The following LMBRD1 variants were observed in gnomAD, a reference collection of about 807,000 sequenced individuals.
The protein encoded by LMBRD1 is lysosomal cobalamin transport escort protein LMBD1.
Under a neutral mutation model 74.8 loss-of-function variants are expected in LMBRD1, and 64 were observed. That is an observed-to-expected ratio of 0.86 (90% CI 0.70 to 1.05). The LOEUF (loss-of-function observed/expected upper bound fraction) is 1.05. LMBRD1 is among the 50% of genes least tolerant of loss of function. LMBRD1 has a pLI of 0.00. For missense variants in LMBRD1, 652 were observed against 645.9 expected (o/e 1.01, Z -0.10); for synonymous variants, 204 against 216.3 (o/e 0.94, Z 0.50).
intron 5 of LMBRD1, among the ~76,000 whole-genome samples, chr6:69,747,575 T>C (rs1049485813): frequency 1.3e-5 from 2 of 152,226 alleles, no homozygotes; most frequent in Admixed American, 6.5e-5. Context: ...GATCTCCTGA[T>C]TCTGCAATGC....
chr6:69,764,600 T>G (rs1282451814), intron 3 of LMBRD1, among the ~76,000 whole-genome samples: 1 of 152,232 alleles, frequency 6.6e-6, no homozygotes, highest in Non-Finnish European at 1.5e-5. Flanking sequence ...GATCTTTCTA[T>G]GGGTTTTTAA....
At chr6:69,775,014 G>A (rs1293248268) in intron 3 of LMBRD1, among the ~76,000 whole-genome samples, 5 of 104,828 alleles carry the variant, frequency 4.8e-5, no homozygotes, top group East Asian at 5.7e-4. Context: ...AGGGAGGGAG[G>A]GAGGGAGGGA....
chr6:69,742,565 T>C (rs1182541562), intron 5 of LMBRD1, among the ~76,000 whole-genome samples: 4 of 152,076 alleles, frequency 2.6e-5, no homozygotes, highest in African/African-American at 7.2e-5. Context: ...AACAAGAAGA[T>C]AATCAAGAGA....
chr6:69,685,795 G>A (rs909569062), intron 14 of LMBRD1, among the ~76,000 whole-genome samples: 14 of 151,968 alleles, frequency 9.2e-5, no homozygotes, highest in African/African-American at 3.1e-4. Flanking sequence ...GCGAGGCTCC[G>A]TCTCAAAAAC....
intron 9 of LMBRD1, chr6:69,705,795 A>G: frequency 8.5e-7 from 1 of 1,182,280 alleles, no homozygotes; most frequent in South Asian, 1.2e-5. Flanking sequence ...TACTGACTGC[A>G]TCTTCCTCCA....
intron 9 of LMBRD1, among the ~76,000 whole-genome samples, chr6:69,711,827 A>ATTTCTT (rs1256940847): frequency 1.3e-5 from 2 of 152,072 alleles, no homozygotes; most frequent in South Asian, 2.1e-4. Context: ...TCTTTGAACC[A>ATTTCTT]TTTCTTTTTC....
intron 5 of LMBRD1, chr6:69,745,931 C>A: frequency 4.4e-6 from 1 of 228,356 alleles, no homozygotes; most frequent in Non-Finnish European, 8.8e-6. Flanking sequence ...GTCACCAGAG[C>A]TCCTTTTAAC....
At chr6:69,722,403 C>G (rs1420224946) in intron 7 of LMBRD1, among the ~76,000 whole-genome samples, 2 of 151,388 alleles carry the variant, frequency 1.3e-5, no homozygotes, top group Non-Finnish European at 2.9e-5. Flanking sequence ...TAGTATAACA[C>G]TACAATGGTG....
At chr6:69,759,106 TAAG>T (rs369314189) in intron 3 of LMBRD1, among the ~76,000 whole-genome samples, 48 of 152,262 alleles carry the variant, frequency 3.2e-4, no homozygotes, top group African/African-American at 1.1e-3. Flanking sequence ...GTAAGCAAGG[TAAG>T]AAGCAAAAGT....
At chr6:69,765,066 G>A (rs974108302) in intron 3 of LMBRD1, among the ~76,000 whole-genome samples, 3 of 151,802 alleles carry the variant, frequency 2.0e-5, no homozygotes, top group Non-Finnish European at 4.4e-5. Context: ...ACATAGCTGA[G>A]ATTACAGGAG....
intron 8 of LMBRD1, among the ~76,000 whole-genome samples, chr6:69,717,258 T>C (rs1191244152): frequency 2.6e-5 from 4 of 152,230 alleles, no homozygotes; most frequent in Admixed American, 6.5e-5. Context: ...TAGATGATAT[T>C]TGCCAACAAA....
At chr6:69,679,456 TC>T (rs1453940268) in intron 14 of LMBRD1, among the ~76,000 whole-genome samples, 1 of 152,130 alleles carries the variant, frequency 6.6e-6, no homozygotes, top group Non-Finnish European at 1.5e-5. Flanking sequence ...TCATTTTTTT[TC>T]CAGTAGATAT....
At chr6:69,774,903 G>A (rs1765656625) in intron 3 of LMBRD1, among the ~76,000 whole-genome samples, 1 of 147,712 alleles carries the variant, frequency 6.8e-6, no homozygotes. Context: ...AGTTTACAAT[G>A]AGCTATGATC....
At chr6:69,703,314 T>C (rs978592952) in intron 9 of LMBRD1, among the ~76,000 whole-genome samples, 1 of 151,932 alleles carries the variant, frequency 6.6e-6, no homozygotes, top group Non-Finnish European at 1.5e-5. Context: ...GATTCTCAAG[T>C]GAAAAACATT....
chr6:69,685,881 C>A (rs889585283), intron 14 of LMBRD1, among the ~76,000 whole-genome samples: 1 of 151,924 alleles, frequency 6.6e-6, no homozygotes, highest in Admixed American at 6.6e-5. Flanking sequence ...TTGATGCATG[C>A]GAAAGTTTGA....
At chr6:69,796,741 C>T in intron 1 of LMBRD1, 72 bp downstream of exon 1, 1 of 1,450,746 alleles carries the variant, frequency 6.9e-7, no homozygotes, top group Non-Finnish European at 9.6e-7. Context: ...CCCGGAGAGG[C>T]CAACTGCAGG....
intron 3 of LMBRD1, 58 bp downstream of exon 3, chr6:69,780,436 G>T: frequency 8.0e-7 from 1 of 1,242,778 alleles, no homozygotes; most frequent in Non-Finnish European, 1.2e-6. Flanking sequence ...ACTCATCGGA[G>T]TCGTATCAGT....
At chr6:69,778,204 A>T (rs1004357165) in intron 3 of LMBRD1, among the ~76,000 whole-genome samples, 4 of 152,236 alleles carry the variant, frequency 2.6e-5, no homozygotes, top group Admixed American at 2.6e-4. Context: ...TCACTGTCTC[A>T]ACTATCCTAT....
At chr6:69,706,131 G>C (rs1454975632) in intron 9 of LMBRD1, 1 of 563,854 alleles carries the variant, frequency 1.8e-6, no homozygotes, top group Non-Finnish European at 3.3e-6. Context: ...GCCTCCGGGG[G>C]TTTATGTCCA....
Sources: allele counts gnomAD v4.1 joint callset (sites outside exome capture counted in the v4.1 genomes callset), GRCh38; gene constraint gnomAD v4.1.1; transcripts MANE v1.5; gene names NCBI Gene and HGNC (gene_info 2026-07-23, HGNC 2026-07-21).